The following PDE1A variants were observed in gnomAD, a reference collection of about 807,000 sequenced individuals.
PDE1A encodes dual specificity calcium/calmodulin-dependent 3',5'-cyclic nucleotide phosphodiesterase 1A.
Under a neutral mutation model 61.7 loss-of-function variants are expected in PDE1A, and 35 were observed. The observed-to-expected ratio is 0.57, with a 90% confidence interval of 0.43 to 0.75. The LOEUF (loss-of-function observed/expected upper bound fraction) is 0.75. Ranked by LOEUF, PDE1A falls within the 30% of genes least tolerant of loss-of-function variation. PDE1A has a pLI of 0.00. For missense variants in PDE1A, 597 were observed against 630.6 expected, an observed-to-expected ratio of 0.95 and a Z score of 0.57; for synonymous variants, 232 against 213.2, an observed-to-expected ratio of 1.09 and a Z score of -0.77.
chr2:182,179,183 C>T (rs903695159), intron 13 of PDE1A, among the ~76,000 whole-genome samples: 3 of 152,056 alleles, frequency 2.0e-5, no homozygotes, highest in African/African-American at 7.2e-5. Context: ...ATTTATGCAC[C>T]TGATTTGTGG....
rs1006395093 is a variant in PDE1A at position 182,324,067 on chromosome 2, T to C, written c.54-59653A>G. ...AGACCCATAAATATAGGTGGTGCTA[T>C]TAATTTTTACTGTTTATTTCCTAGC... is the stretch of plus-strand genomic sequence containing the variant. On this transcript the variant is annotated intron_variant, in intron 1 of 13. Coordinates refer to ENST00000351439, the Ensembl canonical transcript of PDE1A. 3.3e-5 allele frequency among the ~76,000 whole-genome samples: 5 copies of C among 152,310 alleles called. No homozygotes were observed. The South Asian group carries it at 1.0e-3, about 32-fold the overall frequency.
At chr2:182,426,842 G>T in exon 1 of PDE1A, 1 of 1,380,356 alleles carries the variant, frequency 7.2e-7, no homozygotes, top group Non-Finnish European at 9.3e-7. Flanking sequence ...GCACGTTGGG[G>T]CACTCCCCCA....
intron 2 of PDE1A, among the ~76,000 whole-genome samples, chr2:182,441,921 A>G (rs926354837): frequency 5.9e-5 from 9 of 152,128 alleles, no homozygotes; most frequent in African/African-American, 2.2e-4. Flanking sequence ...AAATAAATGA[A>G]TGAATACATT....
chr2:182,371,446 G>A (rs1340079390), intron 1 of PDE1A, among the ~76,000 whole-genome samples: 1 of 152,192 alleles, frequency 6.6e-6, no homozygotes, highest in African/African-American at 2.4e-5. Context: ...TTCAGGAGCT[G>A]AGCAAAGGGA....
chr2:182,606,153 T>C, the PDE1A span, among the ~76,000 whole-genome samples: 2 of 152,216 alleles, frequency 1.3e-5, no homozygotes, highest in Non-Finnish European at 2.9e-5. Context: ...AAGGTATGTA[T>C]GTATGTACGT....
intron 1 of PDE1A, among the ~76,000 whole-genome samples, chr2:182,328,815 G>A (rs1015784381): frequency 1.3e-5 from 2 of 152,138 alleles, no homozygotes; most frequent in African/African-American, 2.4e-5. Context: ...TTCAAGGACA[G>A]GTAAGTAAGG....
chr2:182,200,642 A>T (rs1686543509), intron 10 of PDE1A, among the ~76,000 whole-genome samples: 1 of 152,194 alleles, frequency 6.6e-6, no homozygotes, highest in Non-Finnish European at 1.5e-5. Context: ...TTGTAAGGAT[A>T]GCACTTTTGA....
the PDE1A span, among the ~76,000 whole-genome samples, chr2:182,684,332 A>C: frequency 6.6e-6 from 1 of 152,096 alleles, no homozygotes; most frequent in South Asian, 2.1e-4. Flanking sequence ...ATTTTATTGT[A>C]TTTTCTAGCC....
the PDE1A span, among the ~76,000 whole-genome samples, chr2:182,611,949 C>T: frequency 6.6e-6 from 1 of 152,140 alleles, no homozygotes; most frequent in Non-Finnish European, 1.5e-5. Context: ...ACCTTCCATG[C>T]CCTGCTGACA....
chr2:182,140,706 C>A (rs917971185), exon 15 of PDE1A: 3 of 152,194 alleles, frequency 2.0e-5, no homozygotes, highest in Non-Finnish European at 2.9e-5. Flanking sequence ...ACCTATCAAT[C>A]CCTCTCTTCA....
chr2:182,149,142 T>C (rs548807999), intron 13 of PDE1A, among the ~76,000 whole-genome samples: 2 of 152,244 alleles, frequency 1.3e-5, no homozygotes, highest in South Asian at 2.1e-4. Flanking sequence ...GAACAGAACA[T>C]AGTAAAAAGA....
At chr2:182,378,049 T>C (rs1389576568) in intron 1 of PDE1A, among the ~76,000 whole-genome samples, 1 of 152,098 alleles carries the variant, frequency 6.6e-6, no homozygotes, top group Non-Finnish European at 1.5e-5. Context: ...GGTTTCACCG[T>C]GTTAGCCAGG....
At chr2:182,322,294 T>G (rs921420468) in intron 1 of PDE1A, among the ~76,000 whole-genome samples, 3 of 152,192 alleles carry the variant, frequency 2.0e-5, no homozygotes, top group Non-Finnish European at 1.5e-5. Flanking sequence ...GGTTTGGCTT[T>G]GTCCCTACCC....
the PDE1A span, among the ~76,000 whole-genome samples, chr2:182,641,808 A>G: frequency 6.6e-6 from 1 of 152,244 alleles, no homozygotes; most frequent in Non-Finnish European, 1.5e-5. Context: ...AAATTTGAGC[A>G]TGTCAGTATA....
chr2:182,224,601 C>T (rs887785442), intron 6 of PDE1A, among the ~76,000 whole-genome samples: 2 of 151,776 alleles, frequency 1.3e-5, no homozygotes, highest in African/African-American at 4.8e-5. Context: ...CTTTCAGTTA[C>T]TAACTAGATG....
chr2:182,312,302 T>A (rs983735108), intron 1 of PDE1A, among the ~76,000 whole-genome samples: 2 of 152,176 alleles, frequency 1.3e-5, no homozygotes, highest in Non-Finnish European at 2.9e-5. Flanking sequence ...TTTTAAATAG[T>A]TAATGAAGTC....
At chr2:182,708,143 T>C in the PDE1A span, among the ~76,000 whole-genome samples, 1 of 152,096 alleles carries the variant, frequency 6.6e-6, no homozygotes, top group Non-Finnish European at 1.5e-5. Context: ...GTACAATTAT[T>C]ACATGTTAAT....
chr2:182,219,404 G>C lies in PDE1A; in HGVS notation c.776+4460C>G, dbSNP rs182574185. On this transcript the variant is annotated intron_variant, in intron 7 of 13. Coordinates refer to ENST00000351439, the Ensembl canonical transcript of PDE1A. ...GATCTGTATAATGGAACCTGGGCTT[G>C]TCCTTCCTCTATCCTCCTAGGTTGC... is the stretch of plus-strand genomic sequence containing the variant. 3.4e-3 allele frequency among the ~76,000 whole-genome samples: 513 copies of C among 152,096 alleles called. 2 individuals carry two copies. The highest frequency in any genetic ancestry group is 0.012 in the African/African-American group (499 of 41,506).
At chr2:182,346,938 G>A (rs1387309384) in intron 1 of PDE1A, among the ~76,000 whole-genome samples, 1 of 152,146 alleles carries the variant, frequency 6.6e-6, no homozygotes, top group African/African-American at 2.4e-5. Flanking sequence ...AAATTTACTT[G>A]TCCTTCATAG....
Sources: allele counts gnomAD v4.1 joint callset (sites outside exome capture counted in the v4.1 genomes callset), GRCh38; gene constraint gnomAD v4.1.1; transcripts MANE v1.5; gene names NCBI Gene and HGNC (gene_info 2026-07-23, HGNC 2026-07-21).